The following HK1 variants were observed in gnomAD, a reference collection of about 807,000 sequenced individuals.
HK1 encodes the protein hexokinase 1.
HK1 carries 28 observed loss-of-function variants against 91.6 expected under a neutral mutation model. The ratio of observed to expected loss-of-function variants is 0.31; its 90% CI spans 0.23 to 0.42. The LOEUF (loss-of-function observed/expected upper bound fraction) is 0.42. Among genes scored for constraint, HK1 ranks in the 10% least tolerant of loss-of-function variants. The pLI is 1.00. For missense variants in HK1, 770 were observed against 1,219.8 expected (o/e 0.63, Z 5.49); for synonymous variants, 430 against 468.1 (o/e 0.92, Z 1.05).
chr10:69,309,909 G>A (rs997071401), intron 5 of HK1, among the ~76,000 whole-genome samples: 4 of 151,378 alleles, frequency 2.6e-5, no homozygotes, highest in African/African-American at 9.7e-5. Flanking sequence ...AATTAGCCGG[G>A]TGTTGTGGCG....
chr10:69,382,327 A>G (rs2132882955), intron 9 of HK1, among the ~76,000 whole-genome samples, 160 bp from the exon 10 acceptor site: 1 of 152,338 alleles, frequency 6.6e-6, no homozygotes, highest in African/African-American at 2.4e-5. Context: ...GTGAGCTGTG[A>G]TTGTGCCATT....
At chr10:69,351,528 A>G (rs1418417712) in intron 2 of HK1, among the ~76,000 whole-genome samples, 1 of 115,718 alleles carries the variant, frequency 8.6e-6, no homozygotes, top group African/African-American at 3.2e-5. Context: ...AAACAAAAAC[A>G]AAAAAAACAA....
At chr10:69,389,633 T>C (rs16926292) in intron 14 of HK1, among the ~76,000 whole-genome samples, 16,782 of 146,920 alleles carry the variant, frequency 0.11, 1,551 homozygotes, top group East Asian at 0.43. Flanking sequence ...GGCAGCTCTA[T>C]GGGCCTTGTA....
At chr10:69,362,071 G>A (rs1849453498) in intron 3 of HK1, among the ~76,000 whole-genome samples, 1 of 152,264 alleles carries the variant, frequency 6.6e-6, no homozygotes, top group African/African-American at 2.4e-5. Context: ...ACCACACCCA[G>A]CCCAGAGCAC....
At chr10:69,389,674 G>A (rs931540304) in intron 14 of HK1, among the ~76,000 whole-genome samples, 1 of 151,074 alleles carries the variant, frequency 6.6e-6, no homozygotes, top group African/African-American at 2.4e-5. Flanking sequence ...ATTGCAGGGG[G>A]ATGGGGTGGG....
At chr10:69,293,452 G>A (rs1845389041) in intron 3 of HK1, among the ~76,000 whole-genome samples, 2 of 152,248 alleles carry the variant, frequency 1.3e-5, no homozygotes, top group African/African-American at 4.8e-5. Context: ...AGATATGTAT[G>A]CACTGTCATT....
chr10:69,359,887 C>G lies in HK1; in HGVS notation c.227-10C>G, dbSNP rs771166654. 2 of 1,613,692 alleles carry G rather than the reference C, an allele frequency of 1.2e-6. No individual in the cohort carries two copies. Among genetic ancestry groups the G allele is most frequent in the Admixed American group, 3.3e-5 (2 of 60,000 alleles). On this transcript the variant is annotated splice_polypyrimidine_tract_variant and intron_variant, in intron 2 of 17. Transcript: ENST00000359426. ...GAATCTCATGTGATACCTGTTGTCT[C>G]CCTAAACAGAAAAGGGAGATTTCAT...
At chr10:69,360,467 A>G (rs1177636311) in intron 3 of HK1, among the ~76,000 whole-genome samples, 1 of 152,194 alleles carries the variant, frequency 6.6e-6, no homozygotes, top group Non-Finnish European at 1.5e-5. Flanking sequence ...CTTGTAGGGT[A>G]TGGCTGTGGC....
chr10:69,281,950 C>G (rs951882982), intron 1 of HK1, among the ~76,000 whole-genome samples: 1 of 152,144 alleles, frequency 6.6e-6, no homozygotes, highest in Non-Finnish European at 1.5e-5. Context: ...CATCTCTCCA[C>G]GCATTTTAAA....
At chr10:69,389,465 C>CG in intron 14 of HK1, 169 bp downstream of exon 14, 1 of 318,636 alleles carries the variant, frequency 3.1e-6, no homozygotes, top group Non-Finnish European at 6.4e-6. Context: ...AGCAGAGTCT[C>CG]TGGCGGGGGG....
intron 2 of HK1, among the ~76,000 whole-genome samples, chr10:69,345,938 C>T (rs1328485794): frequency 6.6e-6 from 1 of 152,170 alleles, no homozygotes; most frequent in Admixed American, 6.5e-5. Context: ...GGCACCCCCC[C>T]ATTCCAAATA....
intron 1 of HK1, among the ~76,000 whole-genome samples, chr10:69,327,274 C>G (rs894106134): frequency 3.3e-5 from 5 of 152,038 alleles, no homozygotes; most frequent in Non-Finnish European, 7.4e-5. Context: ...GATTATAGGC[C>G]TGAGCCCCCA....
chr10:69,353,926 C>T (rs1849006283), intron 2 of HK1, among the ~76,000 whole-genome samples: 1 of 152,206 alleles, frequency 6.6e-6, no homozygotes, highest in Non-Finnish European at 1.5e-5. Flanking sequence ...TAGTGATCAG[C>T]CAGAAGCACA....
chr10:69,273,349 G>A (rs1454020974), intron 1 of HK1, among the ~76,000 whole-genome samples: 1 of 152,080 alleles, frequency 6.6e-6, no homozygotes, highest in Admixed American at 6.6e-5. Context: ...CCAAGTAGCT[G>A]GGACTACAGG....
intron 5 of HK1, among the ~76,000 whole-genome samples, chr10:69,310,431 A>C (rs1846319307): frequency 1.3e-5 from 2 of 151,930 alleles, no homozygotes. Context: ...AAAAAAAAAA[A>C]AAAAAAAAAA....
chr10:69,361,256 A>G (rs1849402868), intron 3 of HK1, among the ~76,000 whole-genome samples: 1 of 152,248 alleles, frequency 6.6e-6, no homozygotes, highest in Non-Finnish European at 1.5e-5. Flanking sequence ...AGCTGGGTGC[A>G]TCACTACTGG....
rs937525757 is a variant in HK1 at position 69,376,834 on chromosome 10, G to A, written c.876-100G>A. The A allele has an allele frequency of 4.7e-5, 68 of 1,436,054 alleles. No homozygotes were observed. The African/African-American group carries it at 8.5e-4, about 18-fold the overall frequency. 89.0% of individuals were successfully genotyped at this position (1,436,054 alleles called of 1,614,324 possible). A position where few individuals can be genotyped will look rare whatever the true frequency, so the allele number is the denominator to read the frequency against. On this transcript the variant is annotated intron_variant, in intron 7 of 17. Coordinates refer to ENST00000359426, the MANE Select transcript of HK1 (RefSeq NM_000188.3). ...TGCCAGCGAGGCTGGGGGCTGGTGA[G>A]GGGTGAGTCGGGGCTTCCCATTCCT...
chr10:69,341,110 G>C (rs1186255427), intron 1 of HK1, among the ~76,000 whole-genome samples: 1 of 151,766 alleles, frequency 6.6e-6, no homozygotes, highest in Non-Finnish European at 1.5e-5. Flanking sequence ...TCCTCCCAGG[G>C]CCATGTTTTT....
intron 2 of HK1, among the ~76,000 whole-genome samples, chr10:69,347,470 CT>C (rs1848623824): frequency 1.3e-5 from 2 of 149,906 alleles, no homozygotes; most frequent in Admixed American, 1.3e-4. Flanking sequence ...CAGTCTCGCT[CT>C]GTCGCCCAGG....
Sources: allele counts gnomAD v4.1 joint callset (sites outside exome capture counted in the v4.1 genomes callset), GRCh38; gene constraint gnomAD v4.1.1; transcripts MANE v1.5; gene names NCBI Gene and HGNC (gene_info 2026-07-23, HGNC 2026-07-21).